The following ACP3 variants were observed in gnomAD, a reference collection of about 807,000 sequenced individuals.
ACP3 encodes the protein prostatic acid phosphatase.
In ACP3, 38 loss-of-function variants were observed where a neutral mutation model predicts 45.6. The ratio of observed to expected loss-of-function variants is 0.83; its 90% CI spans 0.64 to 1.09. The LOEUF (loss-of-function observed/expected upper bound fraction) is 1.09. Ranked by LOEUF, ACP3 falls within the 50% of genes least tolerant of loss-of-function variation. ACP3 has a pLI of 0.00. For missense variants in ACP3, 466 were observed against 463.2 expected (o/e 1.01, Z -0.05); for synonymous variants, 162 against 164.7 (o/e 0.98, Z 0.13).
chr3:132,345,717 T>G (rs1937601717), intron 7 of ACP3, among the ~76,000 whole-genome samples: 1 of 152,168 alleles, frequency 6.6e-6, no homozygotes, highest in Non-Finnish European at 1.5e-5. Flanking sequence ...GAACTGGCTC[T>G]TCGTAGCACA....
chr3:132,324,218 CAAA>C (rs35597004), intron 1 of ACP3, among the ~76,000 whole-genome samples: 1 of 73,976 alleles, frequency 1.4e-5, no homozygotes. Context: ...GACTCCATCT[CAAA>C]AAAAAAAAAA....
chr3:132,336,463 A>G (rs1937492822), intron 4 of ACP3, among the ~76,000 whole-genome samples: 2 of 152,198 alleles, frequency 1.3e-5, no homozygotes, highest in African/African-American at 4.8e-5. Flanking sequence ...TATGTTTTGA[A>G]AATAGAGAAA....
At chr3:132,334,083 A>C (rs1937450307) in intron 4 of ACP3, among the ~76,000 whole-genome samples, 1 of 152,234 alleles carries the variant, frequency 6.6e-6, no homozygotes, top group African/African-American at 2.4e-5. Flanking sequence ...AAAATAAATA[A>C]AAAACAAAAC....
chr3:132,352,777 CCTCCCTATGCTT>C lies in ACP3; in HGVS notation c.925_936del (p.Pro309_Ser312del). ...GCTAGATGTTTACAACGGACTCCTT[CCTCCCTATGCTT>C]CTTGCCACTTGACGGAATTGTACTT... is the stretch of plus-strand genomic sequence containing the variant. On this transcript the variant is annotated inframe_deletion, in exon 9 of 10. Transcript: ENST00000336375. 6.2e-7 allele frequency: 1 copy of C among 1,613,886 alleles called. No homozygotes were observed. The highest frequency in any genetic ancestry group is 1.1e-5 in the South Asian group (1 of 91,070).
At chr3:132,362,669 A>C (rs1470571757), downstream of ACP3, among the ~76,000 whole-genome samples, 1 of 152,234 alleles carries the variant, frequency 6.6e-6, no homozygotes, top group Non-Finnish European at 1.5e-5. Context: ...TGGAGGAGTG[A>C]TGTTCAAACT....
chr3:132,363,085 AAAATAAAT>A (rs55698331), downstream of ACP3, among the ~76,000 whole-genome samples: 136 of 151,944 alleles, frequency 9.0e-4, no homozygotes, highest in Middle Eastern at 3.4e-3. Flanking sequence ...ATATCATTTA[AAAATAAAT>A]AAATAAATAA....
chr3:132,366,979 A>T (rs1163401662), intron 10 of ACP3, among the ~76,000 whole-genome samples: 1 of 152,328 alleles, frequency 6.6e-6, no homozygotes, highest in Non-Finnish European at 1.5e-5. Context: ...TTGCTCTCCT[A>T]TTGCCTAAGC....
At chr3:132,360,788 G>C (rs1559845787), downstream of ACP3, among the ~76,000 whole-genome samples, 1 of 152,206 alleles carries the variant, frequency 6.6e-6, no homozygotes, top group Non-Finnish European at 1.5e-5. Context: ...AGAATCTACA[G>C]CACAAATACA....
At chr3:132,324,711 C>T (rs1359586261) in intron 1 of ACP3, among the ~76,000 whole-genome samples, 3 of 152,164 alleles carry the variant, frequency 2.0e-5, no homozygotes, top group African/African-American at 7.2e-5. Flanking sequence ...GGCACGATCT[C>T]GGCTTACTGC....
chr3:132,337,063 G>GGTGT (rs113543420), intron 4 of ACP3, among the ~76,000 whole-genome samples: 5,853 of 144,958 alleles, frequency 0.04, 123 homozygotes, highest in Middle Eastern at 0.1. Flanking sequence ...CATGCGTTGG[G>GGTGT]GTGTGTGTGT....
intron 5 of ACP3, among the ~76,000 whole-genome samples, chr3:132,337,845 A>G (rs1463554949): frequency 6.6e-6 from 1 of 152,160 alleles, no homozygotes; most frequent in African/African-American, 2.4e-5. Flanking sequence ...GAATAAATAT[A>G]AGTCTAAAAT....
chr3:132,367,665 C>T (rs759438079), intron 10 of ACP3: 5 of 1,416,898 alleles, frequency 3.5e-6, no homozygotes, highest in Non-Finnish European at 5.0e-6. Flanking sequence ...TTTCCTAATG[C>T]ATTAATTTTA....
intron 1 of ACP3, among the ~76,000 whole-genome samples, chr3:132,323,988 C>T (rs1276296365): frequency 3.3e-5 from 5 of 152,156 alleles, no homozygotes; most frequent in Admixed American, 2.0e-4. Flanking sequence ...GAGGCCAAGG[C>T]GAGTGGATCA....
At chr3:132,328,443 CCGAGG>C in intron 2 of ACP3, 81 bp downstream of exon 2, 2 of 1,195,990 alleles carry the variant, frequency 1.7e-6, no homozygotes, top group Non-Finnish European at 2.4e-6. Flanking sequence ...CTTTGGGAGG[CCGAGG>C]CAGGCGGATC....
Position 132,344,821 on chromosome 3 carries a change from A to G in ACP3, c.649-106A>G. On this transcript the variant is annotated intron_variant, in intron 6 of 9. Transcript: ENST00000336375. ...TCTTTTAGAAAGAAATGGCAGGACA[A>G]GAAAGTCTGGCCCTACTAGTTCTTG... The G allele has an allele frequency of 2.3e-6, 3 of 1,319,378 alleles. No individual in the cohort carries two copies. In the Admixed American group the frequency reaches 6.7e-5, roughly 29 times the overall value. The allele number at this position is 1,319,378 out of a possible 1,614,324, so 81.7% of individuals were successfully genotyped here. A position where few individuals can be genotyped will look rare whatever the true frequency, so the allele number is the denominator to read the frequency against.
intron 4 of ACP3, among the ~76,000 whole-genome samples, chr3:132,336,954 C>T (rs58549019): frequency 0.036 from 5,521 of 152,160 alleles, 282 homozygotes; most frequent in African/African-American, 0.12. Flanking sequence ...GTATTTAATA[C>T]GTACTCTTAA....
intron 10 of ACP3, among the ~76,000 whole-genome samples, chr3:132,365,515 T>C (rs992172014): frequency 3.3e-5 from 5 of 152,000 alleles, no homozygotes; most frequent in Non-Finnish European, 5.9e-5. Context: ...GGGAGGGTGA[T>C]AGGAGAGGAA....
chr3:132,334,294 T>C (rs1195123193), intron 4 of ACP3, among the ~76,000 whole-genome samples: 1 of 152,200 alleles, frequency 6.6e-6, no homozygotes, highest in African/African-American at 2.4e-5. Context: ...CTTCCATCTA[T>C]CTGATTCACT....
At chr3:132,362,356 C>T (rs568435870), downstream of ACP3, among the ~76,000 whole-genome samples, 3 of 152,208 alleles carry the variant, frequency 2.0e-5, no homozygotes, top group Admixed American at 1.3e-4. Flanking sequence ...TTTCTTAGAC[C>T]AATTTCCAAA....
Sources: allele counts gnomAD v4.1 joint callset (sites outside exome capture counted in the v4.1 genomes callset), GRCh38; gene constraint gnomAD v4.1.1; transcripts MANE v1.5; gene names NCBI Gene and HGNC (gene_info 2026-07-23, HGNC 2026-07-21).